The following NOS1 variants were observed in gnomAD, a reference collection of about 807,000 sequenced individuals.
NOS1 encodes nitric oxide synthase 1.
Under a neutral mutation model 164.5 loss-of-function variants are expected in NOS1, and 51 were observed. That is an observed-to-expected ratio of 0.31 (90% CI 0.25 to 0.39). The LOEUF is 0.39. Among genes scored for constraint, NOS1 ranks in the 10% least tolerant of loss-of-function variants. NOS1 has a pLI of 1.00. For synonymous variants in NOS1, 719 were observed against 745.8 expected (o/e 0.96, Z 0.59); for missense variants, 1,362 against 1,885.6 (o/e 0.72, Z 5.14).
chr12:117,289,751 C>T (rs1466294176), intron 4 of NOS1, among the ~76,000 whole-genome samples: 1 of 152,154 alleles, frequency 6.6e-6, no homozygotes, highest in Non-Finnish European at 1.5e-5. Flanking sequence ...GTCTCTTTGT[C>T]TTGCTTATCT....
chr12:117,327,385 T>A (rs1198690623), intron 2 of NOS1, among the ~76,000 whole-genome samples: 1 of 152,144 alleles, frequency 6.6e-6, no homozygotes, highest in Non-Finnish European at 1.5e-5. Flanking sequence ...CCGTTCTGGA[T>A]CCTACAGCTG....
At chr12:117,309,345 TGGCCAGCCATCAGCG>T in intron 3 of NOS1, 1 of 983,022 alleles carries the variant, frequency 1.0e-6, no homozygotes, top group African/African-American at 1.8e-5. Flanking sequence ...CTTATCTTCC[TGGCCAGCCATCAGCG>T]GCTAAGGAAA....
chr12:117,354,194 C>T (rs551651712), intron 1 of NOS1, among the ~76,000 whole-genome samples: 2 of 150,964 alleles, frequency 1.3e-5, no homozygotes, highest in South Asian at 4.2e-4. Context: ...TACACCTTGC[C>T]GGCAGCTGGA....
Position 117,211,263 on chromosome 12 carries a change from G to A in NOS1, c.*4046C>T. 2.0e-6 allele frequency: 2 copies of A among 985,338 alleles called. No individual in the cohort carries two copies. Among genetic ancestry groups the A allele is most frequent in the East Asian group, 2.3e-4 (2 of 8,808 alleles). 61.0% of individuals were successfully genotyped at this position (985,338 alleles called of 1,614,324 possible). ...ATGAGCTACCGCGCCCAGCCTGCAA[G>A]ATGCTTTAATTTCTCCTTTATTCTC... On this transcript the variant is annotated 3_prime_UTR_variant, in exon 29 of 29. Coordinates refer to ENST00000317775, the MANE Select transcript of NOS1 (RefSeq NM_000620.5).
At chr12:117,221,083 C>T (rs540583298) in intron 26 of NOS1, among the ~76,000 whole-genome samples, 1 of 151,884 alleles carries the variant, frequency 6.6e-6, no homozygotes, top group Non-Finnish European at 1.5e-5. Context: ...TTCTGTGGCC[C>T]GTGTCCATTC....
chr12:117,213,024 G>C lies in NOS1; in HGVS notation c.*2285C>G, dbSNP rs1956552120. 1 of 985,308 alleles carries C rather than the reference G, an allele frequency of 1.0e-6. No individual in the cohort carries two copies. The highest frequency in any genetic ancestry group is 1.7e-5 in the African/African-American group (1 of 57,228). 61.0% of individuals were successfully genotyped at this position (985,308 alleles called of 1,614,324 possible). On this transcript the variant is annotated 3_prime_UTR_variant, in exon 29 of 29. Coordinates refer to ENST00000317775, the MANE Select transcript of NOS1 (RefSeq NM_000620.5). ...TCCTGGTTTTATAATCATTTCTTTG[G>C]ACTCCTTGACAAAATGAGACAATGT...
chr12:117,291,896 A>G (rs1873091699), intron 3 of NOS1, among the ~76,000 whole-genome samples: 1 of 152,096 alleles, frequency 6.6e-6, no homozygotes, highest in African/African-American at 2.4e-5. Flanking sequence ...GTACAGGCAC[A>G]CACATGCATC....
intron 2 of NOS1, among the ~76,000 whole-genome samples, chr12:117,324,447 C>T (rs980918314): frequency 1.3e-5 from 2 of 152,130 alleles, no homozygotes; most frequent in Admixed American, 6.5e-5. Context: ...GTGACCGCTC[C>T]AGCCAGGCAC....
At chr12:117,282,851 A>G (rs550440329) in intron 7 of NOS1, among the ~76,000 whole-genome samples, 1 of 152,064 alleles carries the variant, frequency 6.6e-6, no homozygotes, top group Non-Finnish European at 1.5e-5. Context: ...AAACACTAGA[A>G]TCACACACAG....
intron 1 of NOS1, among the ~76,000 whole-genome samples, chr12:117,349,541 A>G (rs1415869177): frequency 6.6e-6 from 1 of 152,236 alleles, no homozygotes; most frequent in Admixed American, 6.5e-5. Flanking sequence ...ATCACACAAC[A>G]CAAATGCTAC....
Position 117,347,283 on chromosome 12 carries a change from T to C in NOS1, c.-421+14229A>G, listed in dbSNP as rs531193889. ...GACTGGGTGAAAGAGAGTGTGACCC[T>C]GTCTCAAAACAAGGAAAAAAAAAAA... On this transcript the variant is annotated intron_variant, in intron 1 of 28. Transcript: ENST00000317775. Among the ~76,000 whole-genome samples the C allele has an allele frequency of 2.3e-3, 328 of 143,626 alleles. 1 individual carries two copies. Among genetic ancestry groups the C allele is most frequent in the African/African-American group, 8.1e-3 (312 of 38,420 alleles). The allele number at this position is 143,626 out of a possible 152,430, so 94.2% of individuals were successfully genotyped here. A position where few individuals can be genotyped will look rare whatever the true frequency, so the allele number is the denominator to read the frequency against.
Position 117,209,816 on chromosome 12 carries a change from G to C in NOS1, c.*5493C>G, listed in dbSNP as rs1956500316. On this transcript the variant is annotated 3_prime_UTR_variant, in exon 29 of 29. Coordinates refer to ENST00000317775, the MANE Select transcript of NOS1 (RefSeq NM_000620.5). ...AAGGCAGGGACTGGCAGTGGGCCAA[G>C]GATAGGGAGTGTGAGATAAAGGGCA... 13 of 985,516 alleles carry C rather than the reference G, an allele frequency of 1.3e-5. No individual in the cohort carries two copies. The highest frequency in any genetic ancestry group is 1.6e-5 in the Non-Finnish European group (13 of 829,980). The allele number at this position is 985,516 out of a possible 1,614,324, so 61.0% of individuals were successfully genotyped here. A position where few individuals can be genotyped will look rare whatever the true frequency, so the allele number is the denominator to read the frequency against.
rs1872839086 is a variant in NOS1, at chr12:117,272,210, T to C, written c.1839+175A>G. The stretch of plus-strand genomic sequence containing the variant: ...ATGTGCGTGTTTGCTGTTATTTTCA[T>C]TGTTGTTAAAGACATGGATGCCCCT... On this transcript the variant is annotated intron_variant, in intron 10 of 28. Transcript: ENST00000317775. The surrounding 1 kb of genome is among the most constrained non-coding windows in gnomAD (Gnocchi z 4.3). Among the ~76,000 whole-genome samples the C allele has an allele frequency of 6.6e-6, 1 of 152,184 alleles. No homozygotes were observed. Among genetic ancestry groups the C allele is most frequent in the South Asian group, 2.1e-4 (1 of 4,820 alleles).
intron 16 of NOS1, chr12:117,255,849 C>T: frequency 1.3e-6 from 1 of 751,806 alleles, no homozygotes; most frequent in South Asian, 3.8e-5. Context: ...CTCCTTGAGA[C>T]CTAGATGTGT....
At chr12:117,221,629 T>C (rs1443660613) in intron 26 of NOS1, among the ~76,000 whole-genome samples, 1 of 151,338 alleles carries the variant, frequency 6.6e-6, no homozygotes, top group Non-Finnish European at 1.5e-5. Context: ...TTTTAATTTT[T>C]ATTTCTAATT....
intron 17 of NOS1, among the ~76,000 whole-genome samples, chr12:117,251,810 T>TA: frequency 6.6e-6 from 1 of 151,886 alleles, no homozygotes; most frequent in Admixed American, 6.6e-5. Context: ...CGGCTCACTG[T>TA]AACCTCTGCC....
intron 28 of NOS1, among the ~76,000 whole-genome samples, chr12:117,216,209 G>A (rs1361926997): frequency 1.4e-5 from 2 of 146,230 alleles, no homozygotes; most frequent in Non-Finnish European, 3.0e-5. Flanking sequence ...TTGAGACGGA[G>A]TCTTGTTCTG....
rs751094987 is a variant in NOS1 at position 117,278,045 on chromosome 12, C to T, written c.1578G>A (p.Pro526=). The part of the protein sequence containing the change: ...KPPRGRFDVL[P]LLLQANGNDP... ...CATTGCCGTTGGCCTGAAGCAGGAG[C>T]GGCAGGACATCGAAGCGGCCTCTAG... is the stretch of plus-strand genomic sequence containing the variant. Residue 526 remains proline, a synonymous_variant, in exon 9 of 29, where the codon CCG becomes CCA. Coordinates refer to ENST00000317775, the MANE Select transcript of NOS1 (RefSeq NM_000620.5). 49 of 1,613,860 alleles carry T rather than the reference C, an allele frequency of 3.0e-5. No homozygotes were observed. Among genetic ancestry groups the T allele is most frequent in the African/African-American group, 4.0e-5 (3 of 74,908 alleles).
At position 117,240,723 on chromosome 12, in the gene NOS1, A is replaced by G. The variant is rs527604575; in HGVS notation, c.3041+1904T>C. ...CAGAAAGCTCTAGAAAAACATTAGC[A>G]ATCTTCAGAGCTATCATTCCCATTC... On this transcript the variant is annotated intron_variant, in intron 20 of 28. Transcript: ENST00000317775. 4.6e-5 allele frequency among the ~76,000 whole-genome samples: 7 copies of G among 152,336 alleles called. No homozygotes were observed. In the East Asian group the frequency reaches 1.4e-3, roughly 29 times the overall value.
Sources: gnomAD v4.1 joint callset for allele counts (sites outside exome capture counted in the v4.1 genomes callset) on GRCh38, gnomAD v4.1.1 for gene constraint, Gnocchi (gnomAD v3.1) non-coding constraint, MANE v1.5 for transcripts, NCBI Gene and HGNC (gene_info 2026-07-23, HGNC 2026-07-21) for gene names.